DCLRE1A: variants seen among roughly 807,000 people sequenced by gnomAD.
DCLRE1A encodes the protein DNA cross-link repair 1A protein.
DCLRE1A carries 64 observed loss-of-function variants against 91.9 expected under a neutral mutation model. The observed-to-expected ratio is 0.70, with a 90% CI of 0.57 to 0.86. DCLRE1A has a LOEUF of 0.86. Among genes scored for constraint, DCLRE1A ranks in the 40% least tolerant of loss-of-function variants. The pLI is 0.00. For synonymous variants in DCLRE1A, 416 were observed against 431.1 expected, an observed-to-expected ratio of 0.96 and a Z score of 0.43; for missense variants, 1,145 against 1,213.3, an observed-to-expected ratio of 0.94 and a Z score of 0.84.
chr10:113,848,872 A>T, intron 2 of DCLRE1A, 108 bp downstream of exon 2: 1 of 1,040,640 alleles, frequency 9.6e-7, no homozygotes. Flanking sequence ...CAAAGGAAAC[A>T]CATACAAAAA....
In DCLRE1A at chr10:113,843,035, C is replaced by T. The variant is rs962369436; in HGVS notation, c.2520-547G>A. ...ATATGTACATGTGTACACACACACACACACACACACACACACACACACACA... is the reference window on the plus strand; with the variant it reads ...ATATGTACATGTGTACACACACACATACACACACACACACACACACACACA... On this transcript the variant is annotated intron_variant, in intron 5 of 8. Transcript: ENST00000361384. Among the ~76,000 whole-genome samples, 796 of 145,172 alleles carry T rather than the reference C, an allele frequency of 5.5e-3. 7 individuals carry two copies. Among genetic ancestry groups the T allele is most frequent in the African/African-American group, 0.018 (715 of 38,762 alleles).
chr10:113,843,023 TACACACACACACACAC>T lies in DCLRE1A; in HGVS notation c.2520-551_2520-536del, dbSNP rs10527278. 2.6e-4 allele frequency among the ~76,000 whole-genome samples: 38 copies of T among 145,978 alleles called. No individual in the cohort carries two copies. The South Asian group carries it at 4.0e-3, about 15-fold the overall frequency. On this transcript the variant is annotated intron_variant, in intron 5 of 8. Transcript: ENST00000361384. ...CTATGTGTATATATATGTACATGTG[TACACACACACACACAC>T]ACACACACACACACACACACACACA...
intron 7 of DCLRE1A, among the ~76,000 whole-genome samples, chr10:113,840,551 TC>T (rs1845430465): frequency 6.6e-6 from 1 of 152,096 alleles, no homozygotes; most frequent in African/African-American, 2.4e-5. Context: ...TATTCTCTTA[TC>T]TTAGATTCTC....
In DCLRE1A at chr10:113,841,422, A is replaced by G. The variant is rs1593072016; in HGVS notation, c.2804T>C (p.Met935Thr). Residue 935 changes from methionine to threonine, a missense_variant, in exon 7 of 9, where the codon ATG becomes ACG. By Grantham distance (81) the Met-to-Thr change is moderately conservative (BLOSUM62 -1). Coordinates refer to ENST00000361384, the MANE Select transcript of DCLRE1A (RefSeq NM_014881.5). ...AATGCTTACCTTAAAATTAATTTGC[A>G]TCATTGGGAGAAGGTGAACCAATGA... is the stretch of plus-strand genomic sequence containing the variant. ...CSSLVHLLPM[M>T]QINFKGLQSH... The G allele has an allele frequency of 4.3e-6, 7 of 1,612,620 alleles. No homozygotes were observed. In the East Asian group the frequency reaches 1.6e-4, roughly 36 times the overall value.
Position 113,850,238 on chromosome 10 carries a change from T to A in DCLRE1A, c.867A>T (p.Pro289=), listed in dbSNP as rs777553054. ...TTTCACAGTCACTGAAGTCATTTTCTGGCAATGGCAAATTTATGTGTTCTG... is the reference window on the plus strand; with the variant it reads ...TTTCACAGTCACTGAAGTCATTTTCAGGCAATGGCAAATTTATGTGTTCTG... ...NNSEHINLPL[P]ENDFSDCEIS... is the part of the protein sequence containing the mutation. Residue 289 remains proline, a synonymous_variant, in exon 2 of 9, where the codon CCA becomes CCT. Coordinates refer to ENST00000361384, the MANE Select transcript of DCLRE1A (RefSeq NM_014881.5). The A allele has an allele frequency of 5.0e-6, 8 of 1,614,068 alleles. No individual in the cohort carries two copies. In the African/African-American group the frequency reaches 1.1e-4, roughly 22 times the overall value.
intron 5 of DCLRE1A, among the ~76,000 whole-genome samples, chr10:113,842,689 A>G (rs1048599871): frequency 6.6e-6 from 1 of 152,178 alleles, no homozygotes; most frequent in Non-Finnish European, 1.5e-5. Flanking sequence ...TAAGTTTTCA[A>G]TATATCTTTT....
At chr10:113,841,363 C>A in intron 7 of DCLRE1A, 43 bp downstream of exon 7, 1 of 1,588,646 alleles carries the variant, frequency 6.3e-7, no homozygotes, top group Non-Finnish European at 8.6e-7. Flanking sequence ...AATCAGATTA[C>A]CTTTTTTGTT....
Position 113,837,368 on chromosome 10 carries a change from AAAT to A in DCLRE1A, c.2821-168_2821-166del, listed in dbSNP as rs138864403. ...TTCTAAAAAATAATCACTGAAAAAAAAATATATAAAATATTTTCTCCTTTACTT... is the reference window on the plus strand; with the variant it reads ...TTCTAAAAAATAATCACTGAAAAAAAATATAAAATATTTTCTCCTTTACTT... On this transcript the variant is annotated intron_variant, in intron 7 of 8. Transcript: ENST00000361384. Among the ~76,000 whole-genome samples the A allele has an allele frequency of 2.7e-3, 412 of 152,318 alleles. 3 individuals carry two copies. The highest frequency in any genetic ancestry group is 9.5e-3 in the African/African-American group (396 of 41,574).
In DCLRE1A at chr10:113,848,960, G is replaced by C. The variant is rs1159553710; in HGVS notation, c.2125+20C>G. 6 of 1,596,600 alleles carry C rather than the reference G, an allele frequency of 3.8e-6. No homozygotes were observed. Among genetic ancestry groups the C allele is most frequent in the Non-Finnish European group, 5.1e-6 (6 of 1,168,998 alleles). Reference sequence around the variant, plus strand: ...AACGTTGTCTTTGTTGATATATCGAGTATTGACATTTCAACTTACCAGGTA... The same window carrying C: ...AACGTTGTCTTTGTTGATATATCGACTATTGACATTTCAACTTACCAGGTA... On this transcript the variant is annotated intron_variant, in intron 2 of 8. Transcript: ENST00000361384.
At chr10:113,837,284 G>A in intron 7 of DCLRE1A, 81 bp from the exon 8 acceptor site, 1 of 1,344,946 alleles carries the variant, frequency 7.4e-7, no homozygotes, top group Middle Eastern at 1.9e-4. Flanking sequence ...ATGTTATACT[G>A]GCACAGGCAT....
chr10:113,852,104 A>G (rs1845659176), intron 1 of DCLRE1A, among the ~76,000 whole-genome samples: 2 of 152,178 alleles, frequency 1.3e-5, no homozygotes, highest in South Asian at 4.1e-4. Context: ...TGGGAGGCCG[A>G]GGCGGGCAGA....
Position 113,837,190 on chromosome 10 carries a change from T to C in DCLRE1A, c.2834A>G (p.His945Arg). 2 of 1,612,166 alleles carry C rather than the reference T, an allele frequency of 1.2e-6. No homozygotes were observed. The highest frequency in any genetic ancestry group is 1.7e-6 in the Non-Finnish European group (2 of 1,179,340). ...MQINFKGLQS[H>R]LKKCGGKYNQ... is the part of the protein sequence containing the mutation. The stretch of plus-strand genomic sequence containing the variant: ...GTATTTCCCACCACACTTCTTCAAA[T>C]GACTCTGTAAGCCCTGTTAAATTAA... Residue 945 changes from histidine to arginine, a missense_variant, in exon 8 of 9, where the codon CAT becomes CGT. Coordinates refer to ENST00000361384, the MANE Select transcript of DCLRE1A (RefSeq NM_014881.5).
chr10:113,846,619 G>C (rs1479828705), intron 3 of DCLRE1A, among the ~76,000 whole-genome samples: 2 of 152,064 alleles, frequency 1.3e-5, no homozygotes, highest in Admixed American at 6.6e-5. Flanking sequence ...AGTATCTGCA[G>C]GGGACTGGTT....
In DCLRE1A at chr10:113,849,195, CTCTT is replaced by C. The variant is rs1162413983; in HGVS notation, c.1906_1909del (p.Lys636AspfsTer30). 3.1e-6 allele frequency: 5 copies of C among 1,613,848 alleles called. No homozygotes were observed. The highest frequency in any genetic ancestry group is 1.7e-5 in the Admixed American group (1 of 59,992). On this transcript the variant is annotated frameshift_variant, in exon 2 of 9. Coordinates refer to ENST00000361384, the MANE Select transcript of DCLRE1A (RefSeq NM_014881.5). LOFTEE classifies it high-confidence loss of function. Reference sequence around the variant, plus strand: ...CTGCAGTGAATTTGACTTTCTACATCTCTTTTTTTGACGCTGTGACCTCTCACTA... The same window carrying C: ...CTGCAGTGAATTTGACTTTCTACATCTTTTTGACGCTGTGACCTCTCACTA...
chr10:113,838,377 G>A (rs1289527685), intron 7 of DCLRE1A, among the ~76,000 whole-genome samples: 1 of 152,124 alleles, frequency 6.6e-6, no homozygotes. Flanking sequence ...CATCAAACCT[G>A]TCCATTCCTA....
intron 5 of DCLRE1A, among the ~76,000 whole-genome samples, chr10:113,842,872 A>AAT (rs780688846): frequency 6.6e-6 from 1 of 152,190 alleles, no homozygotes; most frequent in Non-Finnish European, 1.5e-5. Context: ...ATTTGGACTA[A>AAT]AGACTGTCAA....
At chr10:113,840,247 T>C (rs1031763783) in intron 7 of DCLRE1A, among the ~76,000 whole-genome samples, 2 of 150,412 alleles carry the variant, frequency 1.3e-5, no homozygotes, top group Admixed American at 6.6e-5. Context: ...TGAGCCAAGG[T>C]TGCACCACTG....
Position 113,849,657 on chromosome 10 carries a change from TG to T in DCLRE1A, c.1447del (p.Gln483LysfsTer12). ...VEGYLSSQPT[Q>X]NTIRKLSSEN... is the part of the protein sequence containing the mutation. Reference sequence around the variant, plus strand: ...ACTTGATAATTTTCTAATTGTATTTTGGGTTGGTTGGGAAGAAAGATACCCT... The same window carrying T: ...ACTTGATAATTTTCTAATTGTATTTTGGTTGGTTGGGAAGAAAGATACCCT... On this transcript the variant is annotated frameshift_variant, in exon 2 of 9. Transcript: ENST00000361384. LOFTEE classifies it high-confidence loss of function. The T allele has an allele frequency of 6.2e-7, 1 of 1,614,218 alleles. No homozygotes were observed. Among genetic ancestry groups the T allele is most frequent in the Non-Finnish European group, 8.5e-7 (1 of 1,180,038 alleles).
At chr10:113,839,511 T>A (rs1845414779) in intron 7 of DCLRE1A, among the ~76,000 whole-genome samples, 1 of 151,872 alleles carries the variant, frequency 6.6e-6, no homozygotes, top group Non-Finnish European at 1.5e-5. Flanking sequence ...GAATGTTTAA[T>A]AAACAAATAT....
Sources: allele counts gnomAD v4.1 joint callset (sites outside exome capture counted in the v4.1 genomes callset), GRCh38; gene constraint gnomAD v4.1.1; transcripts MANE v1.5; gene names NCBI Gene and HGNC (gene_info 2026-07-23, HGNC 2026-07-21).